The following PDE4A variants were observed in gnomAD, a reference collection of about 807,000 sequenced individuals.
The protein encoded by PDE4A is phosphodiesterase 4A, also known as 3',5'-cyclic-AMP phosphodiesterase 4A.
Under a neutral mutation model 73.9 loss-of-function variants are expected in PDE4A, and 21 were observed. That is an observed-to-expected ratio of 0.28 (90% CI 0.20 to 0.41). The LOEUF (loss-of-function observed/expected upper bound fraction) is 0.41. Ranked by LOEUF, PDE4A falls within the 10% of genes least tolerant of loss-of-function variation. PDE4A has a pLI of 1.00. For synonymous variants in PDE4A, 463 were observed against 505.4 expected, an observed-to-expected ratio of 0.92 and a Z score of 1.13; for missense variants, 958 against 1,211.4, an observed-to-expected ratio of 0.79 and a Z score of 3.10.
chr19:10,432,563 A>T, intron 1 of PDE4A: 1 of 1,523,322 alleles, frequency 6.6e-7, no homozygotes, highest in Non-Finnish European at 8.8e-7. Flanking sequence ...CTCCGGGCAG[A>T]TCTGTCAGGT....
intron 1 of PDE4A, chr19:10,432,676 G>A (rs917104739): frequency 8.8e-7 from 1 of 1,140,762 alleles, no homozygotes; most frequent in Non-Finnish European, 1.2e-6. Context: ...CCCCTAAGTG[G>A]CTTCCAGGAT....
chr19:10,436,199 A>G (rs916903812), intron 1 of PDE4A, among the ~76,000 whole-genome samples: 4 of 152,102 alleles, frequency 2.6e-5, no homozygotes, highest in African/African-American at 9.7e-5. Context: ...AGGAGACAGG[A>G]CACAGTTCTC....
At chr19:10,447,854 C>T (rs2043032540) in intron 2 of PDE4A, among the ~76,000 whole-genome samples, 1 of 152,132 alleles carries the variant, frequency 6.6e-6, no homozygotes, top group African/African-American at 2.4e-5. Context: ...CTCTTCCTCT[C>T]TCACTGGGTT....
intron 13 of PDE4A, among the ~76,000 whole-genome samples, chr19:10,462,363 G>A (rs2144502703): frequency 1.3e-5 from 2 of 152,170 alleles, no homozygotes; most frequent in Middle Eastern, 6.8e-3. Flanking sequence ...TGTCTGTCAG[G>A]CTGGTCTCGA....
At chr19:10,417,897 G>A (rs565431356), upstream of PDE4A, 7 of 1,533,742 alleles carry the variant, frequency 4.6e-6, no homozygotes, top group African/African-American at 9.6e-5. Context: ...GTGGGAGGTG[G>A]GTTGGGGAGG....
At chr19:10,447,434 C>A (rs1431214593) in intron 2 of PDE4A, among the ~76,000 whole-genome samples, 2 of 150,772 alleles carry the variant, frequency 1.3e-5, no homozygotes, top group African/African-American at 4.9e-5. Context: ...ACCTTGTTAG[C>A]CAGGATGGTC....
chr19:10,459,041 G>C, intron 8 of PDE4A: 1 of 208,778 alleles, frequency 4.8e-6, no homozygotes, highest in South Asian at 7.0e-5. Context: ...AAGAGGCTGA[G>C]CTGTGCTGGG....
chr19:10,431,077 C>A, intron 1 of PDE4A: 2 of 1,555,628 alleles, frequency 1.3e-6, no homozygotes, highest in Non-Finnish European at 1.7e-6. Context: ...CAGGCTTGGG[C>A]TGGGGCTGGG....
At chr19:10,464,778 C>T (rs150898620) in intron 14 of PDE4A, among the ~76,000 whole-genome samples, 3,021 of 150,790 alleles carry the variant, frequency 0.02, 106 homozygotes, top group African/African-American at 0.07. Context: ...AGTGCAGGGG[C>T]GTGATCTTGG....
chr19:10,436,094 C>T (rs1288652072), intron 1 of PDE4A, among the ~76,000 whole-genome samples: 3 of 152,090 alleles, frequency 2.0e-5, no homozygotes, highest in Non-Finnish European at 4.4e-5. Context: ...AGAGTCTCAC[C>T]ATCCTAAACT....
intron 1 of PDE4A, among the ~76,000 whole-genome samples, chr19:10,429,288 AAG>A (rs1467282228): frequency 8.3e-6 from 1 of 120,716 alleles, no homozygotes; most frequent in African/African-American, 3.2e-5. Flanking sequence ...GGAAGAAAGA[AAG>A]AAAGAAAGAA....
At position 10,431,914 on chromosome 19, in the gene PDE4A, CTCTTCTGTCTCTGTTTTGTT is replaced by C. The variant is rs140101583; in HGVS notation, c.320+10834_320+10853del. ...CCTGCGTCTCTGTCTCCACTTCTGT[CTCTTCTGTCTCTGTTTTGTT>C]TCTCCTTCCCACCGCTGAGCTGCAC... On this transcript the variant is annotated intron_variant, in intron 1 of 14. Coordinates refer to ENST00000380702, the MANE Select transcript of PDE4A (RefSeq NM_001111307.2). Among the ~76,000 whole-genome samples, 774 of 152,242 alleles carry C rather than the reference CTCTTCTGTCTCTGTTTTGTT, an allele frequency of 5.1e-3. 11 individuals carry two copies. The highest frequency in any genetic ancestry group is 0.031 in the East Asian group (160 of 5,162).
chr19:10,418,297 T>C (rs762199350), upstream of PDE4A, among the ~76,000 whole-genome samples: 1 of 152,172 alleles, frequency 6.6e-6, no homozygotes, highest in African/African-American at 2.4e-5. Context: ...GTGAGAAATA[T>C]CTGCGAGCTC....
rs532350136 is a variant in PDE4A, at chr19:10,456,036, C to A, written c.877+1114C>A. Among the ~76,000 whole-genome samples, 8 of 151,148 alleles carry A rather than the reference C, an allele frequency of 5.3e-5. No individual in the cohort carries two copies. In the East Asian group the frequency reaches 1.2e-3, roughly 22 times the overall value. ...ATCTCCAAACTTGGTATGACCCCCC[C>A]CCAATTCAGTAGACTCCCAAAATGT... On this transcript the variant is annotated intron_variant, in intron 7 of 14. Coordinates refer to ENST00000380702, the MANE Select transcript of PDE4A (RefSeq NM_001111307.2).
upstream of PDE4A, chr19:10,417,147 A>AT (rs201093750): frequency 1.5e-3 from 1,510 of 983,512 alleles, 17 homozygotes; most frequent in East Asian, 0.03. Context: ...CCTTGATTCC[A>AT]TTTTTTCTCC....
intron 1 of PDE4A, among the ~76,000 whole-genome samples, chr19:10,428,558 T>C (rs2042747523): frequency 1.3e-5 from 2 of 152,192 alleles, no homozygotes; most frequent in Non-Finnish European, 2.9e-5. Context: ...CAGTAAATAT[T>C]TGTCAAATAC....
At chr19:10,459,333 C>G (rs767698235) in intron 8 of PDE4A, 67 bp from the exon 9 acceptor site, 1 of 1,610,636 alleles carries the variant, frequency 6.2e-7, no homozygotes, top group Non-Finnish European at 8.5e-7. Context: ...GCTTCAAACT[C>G]CTAGGAAATG....
intron 1 of PDE4A, among the ~76,000 whole-genome samples, chr19:10,425,847 G>T (rs941913187): frequency 2.6e-5 from 4 of 151,756 alleles, no homozygotes; most frequent in African/African-American, 9.7e-5. Flanking sequence ...TTAGCCAGGT[G>T]GTAGTGGTGC....
rs2043127582 is a variant in PDE4A, at chr19:10,453,578, T to C, written c.784-1251T>C. Among the ~76,000 whole-genome samples, 1 of 151,714 alleles carries C rather than the reference T, an allele frequency of 6.6e-6. No homozygotes were observed. On this transcript the variant is annotated intron_variant, in intron 6 of 14. Coordinates refer to ENST00000380702, the MANE Select transcript of PDE4A (RefSeq NM_001111307.2). The surrounding 1 kb of genome is among the most constrained non-coding windows in gnomAD (Gnocchi z 4.6). ...TGGATGTGTGTGTGTGTGTCTGCGA[T>C]GGTGTGTGTCTGCCTGAGTATAGGC...
Sources: allele counts gnomAD v4.1 joint callset (sites outside exome capture counted in the v4.1 genomes callset), GRCh38; gene constraint gnomAD v4.1.1; non-coding constraint Gnocchi (gnomAD v3.1); transcripts MANE v1.5; gene names NCBI Gene and HGNC (gene_info 2026-07-23, HGNC 2026-07-21).